Variants in DACT2 observed in about 807,000 individuals in gnomAD.
The protein encoded by DACT2 is dapper homolog 2.
DACT2 carries 20 observed loss-of-function variants against 22.2 expected under a neutral mutation model. The observed-to-expected ratio is 0.90, with a 90% CI of 0.63 to 1.31. DACT2 has a LOEUF of 1.31. Ranked by LOEUF, DACT2 falls within the 50% of genes most tolerant of loss-of-function variation. The pLI, the probability that DACT2 is intolerant of heterozygous loss-of-function variation, is 0.00. For missense variants in DACT2, 1,048 were observed against 1,061.4 expected (o/e 0.99, Z 0.18); for synonymous variants, 463 against 479.8 (o/e 0.96, Z 0.46).
At chr6:168,301,976 T>A (rs1304856226), downstream of DACT2, 1 of 152,904 alleles carries the variant, frequency 6.5e-6, no homozygotes, top group African/African-American at 2.4e-5. Context: ...TCTCTCTCTC[T>A]TCTTCCTTCC....
intron 3 of DACT2, among the ~76,000 whole-genome samples, chr6:168,309,471 C>CG (rs1554271389): frequency 9.7e-4 from 60 of 61,932 alleles, no homozygotes; most frequent in East Asian, 9.1e-3. Flanking sequence ...GTGCGGGGCC[C>CG]TATTTGCGCC....
At chr6:168,297,533 A>C (rs1023954087) in intron 3 of DACT2, among the ~76,000 whole-genome samples, 1 of 151,990 alleles carries the variant, frequency 6.6e-6, no homozygotes, top group African/African-American at 2.4e-5. Context: ...CTTCCCTAGA[A>C]CCTCCGGGAG....
At chr6:168,305,311 G>A (rs1472865142), downstream of DACT2, among the ~76,000 whole-genome samples, 1 of 152,152 alleles carries the variant, frequency 6.6e-6, no homozygotes, top group Non-Finnish European at 1.5e-5. Context: ...CGGGCTGCAG[G>A]TTGGAAGCTG....
At chr6:168,293,885 A>G (rs1366832935) in exon 6 of DACT2, 2 of 703,364 alleles carry the variant, frequency 2.8e-6, no homozygotes, top group Admixed American at 4.0e-5. Context: ...AGCTTGGTGT[A>G]GTGCTCTGTC....
downstream of DACT2, among the ~76,000 whole-genome samples, chr6:168,306,606 C>T (rs1779212466): frequency 7.6e-6 from 1 of 131,156 alleles, no homozygotes; most frequent in Admixed American, 7.4e-5. Flanking sequence ...CCAAACCCAG[C>T]TATTTTTTTT....
At chr6:168,301,460 G>T (rs1006993410) in intron 3 of DACT2, among the ~76,000 whole-genome samples, 1 of 152,228 alleles carries the variant, frequency 6.6e-6, no homozygotes, top group African/African-American at 2.4e-5. Context: ...CAGTGGCCCG[G>T]TCAGGCTCTC....
In DACT2 at chr6:168,308,049, G is replaced by A. The variant is rs1779268085; in HGVS notation, c.1708C>T (p.Pro570Ser). The change falls in exon 4 of 4, where the codon CCT becomes TCT. Residue 570 changes from proline to serine, a missense_variant. Pro to Ser is a moderately conservative substitution (Grantham distance 74). Transcript: ENST00000366795. ...SCSESTLYPM[P>S]VLVPLAVAPQ... is the part of the protein sequence containing the mutation. ...GCCACTGCCAAGGGGACGAGGACAG[G>A]CATGGGGTAGAGGGTGGACTCAGAA... 6.5e-7 allele frequency: 1 copy of A among 1,548,610 alleles called. No individual in the cohort carries two copies. The highest frequency in any genetic ancestry group is 2.0e-5 in the Admixed American group (1 of 50,860).
downstream of DACT2, among the ~76,000 whole-genome samples, chr6:168,303,239 A>C (rs1779142109): frequency 1.3e-5 from 2 of 152,208 alleles, no homozygotes; most frequent in Non-Finnish European, 2.9e-5. Context: ...GGATTCTGTC[A>C]TAAGAGGGCT....
At chr6:168,297,478 A>G (rs1779027876) in intron 3 of DACT2, among the ~76,000 whole-genome samples, 1 of 152,232 alleles carries the variant, frequency 6.6e-6, no homozygotes, top group Non-Finnish European at 1.5e-5. Context: ...GAGGAGGCCC[A>G]GAGCCACTGG....
downstream of DACT2, among the ~76,000 whole-genome samples, chr6:168,306,474 ACT>A (rs372858836): frequency 4.3e-3 from 628 of 147,142 alleles, 6 homozygotes; most frequent in African/African-American, 0.015. Flanking sequence ...ATGGAGTTTC[ACT>A]CTGTAGCCCA....
chr6:168,319,481 G>C lies in DACT2; in HGVS notation c.153C>G (p.Pro51=). The part of the protein sequence containing the change: ...ERVRGALALQ[P]PPAPAAPCGP... ...CGCAGGGCGCGGCGGGCGCGGGCGGGGGCTGCAGGGCCAGGGCGCCCCGTA... is the reference window on the plus strand; with the variant it reads ...CGCAGGGCGCGGCGGGCGCGGGCGGCGGCTGCAGGGCCAGGGCGCCCCGTA... Residue 51 remains proline, a synonymous_variant, in exon 1 of 4, where the codon CCC becomes CCG. Coordinates refer to ENST00000366795, the MANE Select transcript of DACT2 (RefSeq NM_214462.5). The C allele has an allele frequency of 8.3e-7, 1 of 1,206,118 alleles. No homozygotes were observed. The highest frequency in any genetic ancestry group is 1.0e-6 in the Non-Finnish European group (1 of 972,648). 74.7% of individuals were successfully genotyped at this position (1,206,118 alleles called of 1,614,324 possible). A position where few individuals can be genotyped will look rare whatever the true frequency, so the allele number is the denominator to read the frequency against.
At chr6:168,305,490 G>C (rs765092224), downstream of DACT2, among the ~76,000 whole-genome samples, 1 of 152,184 alleles carries the variant, frequency 6.6e-6, no homozygotes, top group African/African-American at 2.4e-5. Flanking sequence ...AGGTCACCAC[G>C]GAGGATGAAC....
chr6:168,311,593 CACAT>C (rs1356338097), intron 1 of DACT2, among the ~76,000 whole-genome samples: 3 of 67,890 alleles, frequency 4.4e-5, no homozygotes, highest in Non-Finnish European at 9.2e-5. Flanking sequence ...TCCACACACA[CACAT>C]ACACACACAC....
intron 1 of DACT2, among the ~76,000 whole-genome samples, chr6:168,318,672 A>G (rs550420128): frequency 6.6e-6 from 1 of 152,268 alleles, no homozygotes; most frequent in Admixed American, 6.5e-5. Context: ...CAGAGGGGTA[A>G]TGAGTGGAGT....
intron 1 of DACT2, among the ~76,000 whole-genome samples, chr6:168,313,941 C>T (rs552417141): frequency 1.6e-4 from 24 of 152,306 alleles, no homozygotes; most frequent in Admixed American, 1.3e-3. Context: ...TTATTTATTA[C>T]GTCCTCAGGT....
chr6:168,308,945 T>A lies in DACT2; in HGVS notation c.812A>T (p.Glu271Val), dbSNP rs1277105763. The A allele has an allele frequency of 3.9e-6, 6 of 1,549,544 alleles. No homozygotes were observed. In the African/African-American group the frequency reaches 8.2e-5, roughly 21 times the overall value. Reference protein sequence around the residue: ...RQDLVSQGGREVYPYPSPLHA... With the variant: ...RQDLVSQGGRVVYPYPSPLHA... ...CAGGGGGCTGGGGTACGGGTACACC[T>A]CCCTGCCGCCCTGGGACACCAGGTC... The change falls in exon 4 of 4, where the codon GAG (glutamate) becomes GTG (valine). Residue 271 changes from glutamate (E) to valine (V), a missense_variant. Coordinates refer to ENST00000366795, the MANE Select transcript of DACT2 (RefSeq NM_214462.5).
In DACT2 at chr6:168,316,070, G is replaced by C. The variant is rs534444015; in HGVS notation, c.246+3318C>G. ...AAACAAAGTCTGCGTGTTCCTTCTG[G>C]TCCCCACATTAAAAAATAATAATAA... On this transcript the variant is annotated intron_variant, in intron 1 of 3. Transcript: ENST00000366795. Among the ~76,000 whole-genome samples, 6 of 152,152 alleles carry C rather than the reference G, an allele frequency of 3.9e-5. No homozygotes were observed. In the South Asian group the frequency reaches 1.2e-3, roughly 32 times the overall value.
At chr6:168,311,121 C>T in intron 2 of DACT2, 31 bp downstream of exon 2, 1 of 1,500,348 alleles carries the variant, frequency 6.7e-7, no homozygotes, top group Non-Finnish European at 8.9e-7. Context: ...GTGCCTGCCC[C>T]TGTGTCCGGG....
At chr6:168,293,690 C>T (rs1419497512) in exon 6 of DACT2, 6 of 583,700 alleles carry the variant, frequency 1.0e-5, no homozygotes, top group Admixed American at 2.9e-5. Flanking sequence ...CAACTTTCCA[C>T]GTAAAGGAAA....
Sources: gnomAD v4.1 joint callset for allele counts (sites outside exome capture counted in the v4.1 genomes callset) on GRCh38, gnomAD v4.1.1 for gene constraint, MANE v1.5 for transcripts, NCBI Gene and HGNC (gene_info 2026-07-23, HGNC 2026-07-21) for gene names.